PCSK6: variants seen among roughly 807,000 people sequenced by gnomAD.
PCSK6 encodes paired basic amino acid cleaving enzyme 4.
Under a neutral mutation model 123.3 loss-of-function variants are expected in PCSK6, and 85 were observed. The ratio of observed to expected loss-of-function variants is 0.69; its 90% CI spans 0.58 to 0.83. PCSK6 has a LOEUF of 0.83. PCSK6 is among the 40% of genes least tolerant of loss of function. The pLI, the probability that PCSK6 is intolerant of heterozygous loss-of-function variation, is 0.00. For synonymous variants in PCSK6, 508 were observed against 516.0 expected, an observed-to-expected ratio of 0.98 and a Z score of 0.21; for missense variants, 1,191 against 1,282.3, an observed-to-expected ratio of 0.93 and a Z score of 1.09.
At chr15:101,488,400 G>A (rs1567266409) in intron 1 of PCSK6, among the ~76,000 whole-genome samples, 1 of 152,162 alleles carries the variant, frequency 6.6e-6, no homozygotes, top group Non-Finnish European at 1.5e-5. Flanking sequence ...GAGGAAAAAG[G>A]GACCCGCCGG....
intron 4 of PCSK6, among the ~76,000 whole-genome samples, chr15:101,430,837 G>A (rs1036171401): frequency 4.6e-5 from 7 of 152,276 alleles, no homozygotes; most frequent in Non-Finnish European, 8.8e-5. Flanking sequence ...CAATAACTCC[G>A]TGAGAGAGTC....
intron 2 of PCSK6, among the ~76,000 whole-genome samples, chr15:101,432,627 CAAA>C (rs555911608): frequency 2.1e-5 from 2 of 97,390 alleles, no homozygotes; most frequent in Non-Finnish European, 4.4e-5. Context: ...AAGACCCTGT[CAAA>C]AAAAAAAAAA....
chr15:101,338,290 C>T (rs1353031740), intron 13 of PCSK6, among the ~76,000 whole-genome samples: 4 of 152,182 alleles, frequency 2.6e-5, no homozygotes, highest in African/African-American at 9.6e-5. Flanking sequence ...GGCAGAGACA[C>T]ACAGGAATGA....
intron 6 of PCSK6, among the ~76,000 whole-genome samples, chr15:101,402,724 T>C (rs1038331499): frequency 2.7e-4 from 41 of 152,170 alleles, no homozygotes; most frequent in African/African-American, 8.7e-4. Context: ...CAATGAGATA[T>C]CATCTCACAC....
rs147604940 is a variant in PCSK6, at chr15:101,332,301, G to C, written c.1859-270C>G. 5.7e-3 allele frequency among the ~76,000 whole-genome samples: 869 copies of C among 152,350 alleles called. 6 individuals are homozygous for C. Among genetic ancestry groups the C allele is most frequent in the Non-Finnish European group, 0.01 (697 of 68,030 alleles). On this transcript the variant is annotated intron_variant, in intron 13 of 21. Coordinates refer to ENST00000611716, the MANE Select transcript of PCSK6 (RefSeq NM_002570.5). ...CCTGTCCCTGCTGGGATGGAGGTCA[G>C]CCGGGCTGGACTCTCCACTGTCCTG... is the stretch of plus-strand genomic sequence containing the variant.
intron 7 of PCSK6, among the ~76,000 whole-genome samples, chr15:101,397,073 G>A (rs971230191): frequency 1.3e-5 from 2 of 152,166 alleles, no homozygotes; most frequent in African/African-American, 4.8e-5. Context: ...GCAGGAGGCA[G>A]AGGATGCAGT....
In PCSK6 at chr15:101,428,031, G is replaced by A. The variant is rs542132683; in HGVS notation, c.735-51C>T. The A allele has an allele frequency of 3.3e-5, 47 of 1,411,668 alleles. No individual in the cohort carries two copies. In the African/African-American group the frequency reaches 5.7e-4, roughly 17 times the overall value. 87.4% of individuals were successfully genotyped at this position (1,411,668 alleles called of 1,614,324 possible). On this transcript the variant is annotated intron_variant, in intron 5 of 21. Coordinates refer to ENST00000611716, the MANE Select transcript of PCSK6 (RefSeq NM_002570.5). ...AGGACGCAGCCCAGCAAGTTTCAGT[G>A]AATTCAGTGCCTGGCTCAGTTCAAT...
At chr15:101,487,322 T>G (rs1254166805) in intron 1 of PCSK6, among the ~76,000 whole-genome samples, 1 of 152,240 alleles carries the variant, frequency 6.6e-6, no homozygotes, top group African/African-American at 2.4e-5. Flanking sequence ...GTGGCATTCA[T>G]GCTGGCTGCA....
chr15:101,324,340 G>T (rs1237562623), intron 17 of PCSK6, among the ~76,000 whole-genome samples: 1 of 152,182 alleles, frequency 6.6e-6, no homozygotes, highest in African/African-American at 2.4e-5. Context: ...TTTCATCTCC[G>T]CAGCTCTGCC....
chr15:101,329,624 C>G (rs1326613346), intron 15 of PCSK6, among the ~76,000 whole-genome samples: 3 of 152,250 alleles, frequency 2.0e-5, no homozygotes, highest in Non-Finnish European at 2.9e-5. Context: ...ATCCTGTGAA[C>G]TGTCTCCTGT....
chr15:101,375,666 C>T (rs534725628), intron 11 of PCSK6, among the ~76,000 whole-genome samples: 2 of 152,222 alleles, frequency 1.3e-5, no homozygotes, highest in East Asian at 1.9e-4. Context: ...TAATGAGTCC[C>T]CCAACGAGCA....
rs535410389 is a variant in PCSK6, at chr15:101,304,958, A to C, written c.*300T>G. On this transcript the variant is annotated 3_prime_UTR_variant, in exon 22 of 22. Transcript: ENST00000611716. ...TTGGTCTTGAAGATTCAGTAAACTT[A>C]TGGTCCCAGAAGCTGCTCCAAAGCC... 4.0e-5 allele frequency: 14 copies of C among 346,484 alleles called. No individual in the cohort carries two copies. The highest frequency in any genetic ancestry group is 4.8e-5 in the Non-Finnish European group (9 of 188,360). 21.5% of individuals were successfully genotyped at this position (346,484 alleles called of 1,614,324 possible).
intron 6 of PCSK6, among the ~76,000 whole-genome samples, chr15:101,404,057 G>A (rs2042695907): frequency 1.3e-5 from 2 of 152,196 alleles, no homozygotes; most frequent in African/African-American, 4.8e-5. Flanking sequence ...TGCTTGTACT[G>A]AGAATTAATC....
rs149851680 is a variant in PCSK6 at position 101,430,331 on chromosome 15, G to A, written c.658-268C>T. 2.0e-3 allele frequency among the ~76,000 whole-genome samples: 305 copies of A among 152,078 alleles called. 3 individuals carry two copies. Among genetic ancestry groups the A allele is most frequent in the African/African-American group, 6.6e-3 (275 of 41,446 alleles). On this transcript the variant is annotated intron_variant, in intron 4 of 21. Coordinates refer to ENST00000611716, the MANE Select transcript of PCSK6 (RefSeq NM_002570.5). ...CCCATCTCCAGAACCCTTTCAACCTGCAAAACCCCACACCCACTCAACACT... is the reference window on the plus strand; with the variant it reads ...CCCATCTCCAGAACCCTTTCAACCTACAAAACCCCACACCCACTCAACACT...
At chr15:101,394,846 C>T (rs1596283527) in intron 7 of PCSK6, among the ~76,000 whole-genome samples, 1 of 152,210 alleles carries the variant, frequency 6.6e-6, no homozygotes, top group Non-Finnish European at 1.5e-5. Flanking sequence ...TTGGAGCTCA[C>T]GCAGCCCCGC....
intron 13 of PCSK6, chr15:101,346,628 T>G: frequency 1.9e-6 from 1 of 525,238 alleles, no homozygotes. Flanking sequence ...TGCCGAACCA[T>G]GCAGGCAACA....
intron 8 of PCSK6, among the ~76,000 whole-genome samples, chr15:101,391,467 C>A (rs2042231617): frequency 6.6e-6 from 1 of 152,254 alleles, no homozygotes; most frequent in African/African-American, 2.4e-5. Context: ...ACAGCCCCTC[C>A]TGAGTCCTAG....
intron 1 of PCSK6, among the ~76,000 whole-genome samples, chr15:101,467,104 T>TAAA (rs143120072): frequency 1.1e-4 from 17 of 151,828 alleles, no homozygotes; most frequent in African/African-American, 4.1e-4. Context: ...CCCATACAGG[T>TAAA]AAAAAAAATT....
chr15:101,352,726 C>T (rs2040927631), intron 13 of PCSK6, among the ~76,000 whole-genome samples: 1 of 152,174 alleles, frequency 6.6e-6, no homozygotes, highest in Admixed American at 6.5e-5. Context: ...ATTTCTCTAG[C>T]TATTATCTGT....
Sources: gnomAD v4.1 joint callset for allele counts (sites outside exome capture counted in the v4.1 genomes callset) on GRCh38, gnomAD v4.1.1 for gene constraint, MANE v1.5 for transcripts, NCBI Gene and HGNC (gene_info 2026-07-23, HGNC 2026-07-21) for gene names.